Variants in IPO9 observed in about 807,000 individuals in gnomAD.
IPO9 encodes importin-9.
IPO9 carries 28 observed loss-of-function variants against 128.6 expected under a neutral mutation model. That is an observed-to-expected ratio of 0.22 (90% CI 0.16 to 0.30). The LOEUF (loss-of-function observed/expected upper bound fraction) is 0.30. Among genes scored for constraint, IPO9 ranks in the 10% least tolerant of loss-of-function variants. IPO9 has a pLI of 1.00. For synonymous variants in IPO9, 455 were observed against 475.8 expected, an observed-to-expected ratio of 0.96 and a Z score of 0.57; for missense variants, 935 against 1,293.9, an observed-to-expected ratio of 0.72 and a Z score of 4.26.
chr1:201,836,432 CT>C (rs1376616019), intron 1 of IPO9, among the ~76,000 whole-genome samples: 1 of 152,110 alleles, frequency 6.6e-6, no homozygotes, highest in African/African-American at 2.4e-5. Flanking sequence ...GTCATCCAGG[CT>C]GGAGTGCAGT....
intron 13 of IPO9, among the ~76,000 whole-genome samples, chr1:201,860,229 T>C (rs1428934193): frequency 1.3e-5 from 2 of 152,248 alleles, no homozygotes; most frequent in Non-Finnish European, 2.9e-5. Flanking sequence ...GTAGCTTATG[T>C]CATTTGAAAA....
intron 1 of IPO9, among the ~76,000 whole-genome samples, chr1:201,833,531 G>A (rs1327536243): frequency 6.6e-6 from 1 of 152,120 alleles, no homozygotes; most frequent in African/African-American, 2.4e-5. Flanking sequence ...GAGCCACTGC[G>A]CCTGGCTGGA....
At chr1:201,871,348 T>C in intron 19 of IPO9, 21 bp downstream of exon 19, 1 of 1,422,344 alleles carries the variant, frequency 7.0e-7, no homozygotes, top group Non-Finnish European at 9.6e-7. Context: ...ATCTTTCTTT[T>C]CTGGGCATTC....
chr1:201,833,676 C>G (rs1463896296), intron 1 of IPO9, among the ~76,000 whole-genome samples: 2 of 152,172 alleles, frequency 1.3e-5, no homozygotes, highest in Admixed American at 1.3e-4. Context: ...CCAGTAACCA[C>G]CTTCATCAGA....
In IPO9 at chr1:201,874,890, TTTAGCTGGC is replaced by T. The variant is rs1200618111; in HGVS notation, c.2893_2901del (p.Leu965_Gly967del). ...AGGAAGAGGAGGAGGAGGAGGATGG[TTTAGCTGGC>T]CAACTTTTATCTGACATTCTTGCTA... On this transcript the variant is annotated inframe_deletion, in exon 22 of 24. Coordinates refer to ENST00000361565, the MANE Select transcript of IPO9 (RefSeq NM_018085.5). 1 of 1,613,792 alleles carries T rather than the reference TTTAGCTGGC, an allele frequency of 6.2e-7. No homozygotes were observed. The highest frequency in any genetic ancestry group is 1.1e-5 in the South Asian group (1 of 91,076).
In IPO9 at chr1:201,871,214, G is replaced by A. The variant is rs371649212; in HGVS notation, c.2463G>A (p.Leu821=). 1.9e-6 allele frequency: 3 copies of A among 1,613,852 alleles called. No homozygotes were observed. The highest frequency in any genetic ancestry group is 2.7e-5 in the African/African-American group (2 of 74,824). Residue 821 remains leucine (L), a synonymous_variant, in exon 19 of 24, where the codon TTG becomes TTA. Transcript: ENST00000361565. ...TGCACACTCAGCTAGAACCTCTCTT[G>A]GAGTTCCTGTGTAGCCTCCCAGGAC... ...HLVHTQLEPL[L]EFLCSLPGPT...
At chr1:201,831,089 A>T (rs1033970239) in intron 1 of IPO9, among the ~76,000 whole-genome samples, 13 of 152,058 alleles carry the variant, frequency 8.5e-5, no homozygotes, top group Non-Finnish European at 2.9e-5. Context: ...TGCAGCCTCA[A>T]ACTTTTGGAC....
rs1012167387 is a variant in IPO9, at chr1:201,882,234, A to T, written c.*6180A>T. 6.6e-6 allele frequency: 1 copy of T among 152,244 alleles called. No individual in the cohort carries two copies. Among genetic ancestry groups the T allele is most frequent in the Admixed American group, 6.5e-5 (1 of 15,294 alleles). The allele number at this position is 152,244 out of a possible 1,614,324, so 9.4% of individuals were successfully genotyped here. A position where few individuals can be genotyped will look rare whatever the true frequency, so the allele number is the denominator to read the frequency against. On this transcript the variant is annotated 3_prime_UTR_variant, in exon 24 of 24. Coordinates refer to ENST00000361565, the MANE Select transcript of IPO9 (RefSeq NM_018085.5). ...ACCACGACATCAAGAGTTCAAGAGC[A>T]GCCTGGCCAGCATGGTGAAACCCCG...
chr1:201,871,801 G>A (rs1159227116), intron 19 of IPO9, among the ~76,000 whole-genome samples: 1 of 152,056 alleles, frequency 6.6e-6, no homozygotes, highest in Non-Finnish European at 1.5e-5. Context: ...GCACATATGT[G>A]AATAGCTGCC....
Position 201,878,993 on chromosome 1 carries a change from C to T in IPO9, c.*2939C>T, listed in dbSNP as rs913525198. 2.0e-5 allele frequency: 3 copies of T among 152,168 alleles called. No individual in the cohort carries two copies. The highest frequency in any genetic ancestry group is 4.4e-5 in the Non-Finnish European group (3 of 68,032). 9.4% of individuals were successfully genotyped at this position (152,168 alleles called of 1,614,324 possible). A position where few individuals can be genotyped will look rare whatever the true frequency, so the allele number is the denominator to read the frequency against. ...CTTAGCTGCTCTGAGACATTTTAGT[C>T]TCCTGACTGGTAAACAGCAGCTGGG... On this transcript the variant is annotated 3_prime_UTR_variant, in exon 24 of 24. Transcript: ENST00000361565.
intron 13 of IPO9, among the ~76,000 whole-genome samples, chr1:201,862,467 G>T (rs1680467772): frequency 4.7e-5 from 7 of 148,752 alleles, no homozygotes; most frequent in Admixed American, 4.0e-4. Flanking sequence ...CAAAAAAAAA[G>T]AGTGGTCCAA....
rs2102897238 is a variant in IPO9, at chr1:201,882,495, A to G, written c.*6441A>G. 1 of 151,926 alleles carries G rather than the reference A, an allele frequency of 6.6e-6. No homozygotes were observed. The highest frequency in any genetic ancestry group is 1.9e-4 in the East Asian group (1 of 5,168). 9.4% of individuals were successfully genotyped at this position (151,926 alleles called of 1,614,324 possible). ...AATTTAAGTTTCCCTAATGGATGGT[A>G]CAGGTCAACATTTGCCATCTAATGA... On this transcript the variant is annotated 3_prime_UTR_variant, in exon 24 of 24. Coordinates refer to ENST00000361565, the MANE Select transcript of IPO9 (RefSeq NM_018085.5).
chr1:201,874,847 T>G lies in IPO9; in HGVS notation c.2849T>G (p.Met950Arg). 2 of 1,612,102 alleles carry G rather than the reference T, an allele frequency of 1.2e-6. No homozygotes were observed. Among genetic ancestry groups the G allele is most frequent in the Non-Finnish European group, 8.5e-7 (1 of 1,178,174 alleles). Reference protein sequence around the residue: ...AEWSQDDSNDMWEDQEEEEEE... With the variant: ...AEWSQDDSNDRWEDQEEEEEE... ...CTCCAAGTAGATGACTCCAATGATA[T>G]GTGGGAGGACCAGGAGGAGGAAGAG... The change falls in exon 22 of 24, where the codon ATG becomes AGG. Residue 950 changes from methionine to arginine, a missense_variant. Around this residue, in one of 3 missense-constraint regions of IPO9, gnomAD observed 188 missense variants for 246.7 expected, o/e 0.76. Coordinates refer to ENST00000361565, the MANE Select transcript of IPO9 (RefSeq NM_018085.5).
chr1:201,871,371 TATTTC>T (rs1680649041), intron 19 of IPO9, 44 bp downstream of exon 19: 62 of 409,094 alleles, frequency 1.5e-4, no homozygotes, highest in Middle Eastern at 7.4e-4. Context: ...CCACCACTCA[TATTTC>T]TTTTTTTTTT....
chr1:201,843,946 G>A (rs1680085628), intron 1 of IPO9, among the ~76,000 whole-genome samples: 1 of 151,672 alleles, frequency 6.6e-6, no homozygotes. Flanking sequence ...TTATAATATT[G>A]TAATAAATAA....
intron 14 of IPO9, among the ~76,000 whole-genome samples, chr1:201,865,543 T>C (rs1680537276): frequency 6.6e-6 from 1 of 152,204 alleles, no homozygotes. Context: ...AGTAACCTTT[T>C]AATGATCAGC....
chr1:201,876,725 AC>A lies in IPO9; in HGVS notation c.*672del, dbSNP rs147736083. ...TACATGCACACACAAAATAAGCCAG[AC>A]AGATGGCAATTTGATCTTCCTTTTT... On this transcript the variant is annotated 3_prime_UTR_variant, in exon 24 of 24. Transcript: ENST00000361565. 9.2e-5 allele frequency: 14 copies of A among 151,648 alleles called. No individual in the cohort carries two copies. The East Asian group carries it at 1.6e-3, about 17-fold the overall frequency. The allele number at this position is 151,648 out of a possible 1,614,324, so 9.4% of individuals were successfully genotyped here.
rs560765937 is a variant in IPO9 at position 201,846,627 on chromosome 1, C to T, written c.164-652C>T. ...TGACCTTGTGATCCACCTGCCTTGG[C>T]CTCCCAAAGTGCTAGGATTATAGGC... On this transcript the variant is annotated intron_variant, in intron 1 of 23. Coordinates refer to ENST00000361565, the MANE Select transcript of IPO9 (RefSeq NM_018085.5). Among the ~76,000 whole-genome samples, 62 of 152,220 alleles carry T rather than the reference C, an allele frequency of 4.1e-4. 2 individuals are homozygous for T. Among genetic ancestry groups the T allele is most frequent in the Admixed American group, 3.0e-3 (46 of 15,272 alleles).
At chr1:201,842,950 T>C (rs1386534121) in intron 1 of IPO9, among the ~76,000 whole-genome samples, 1 of 152,234 alleles carries the variant, frequency 6.6e-6, no homozygotes, top group African/African-American at 2.4e-5. Flanking sequence ...GTTAATGTGA[T>C]ATTGGAATCC....
Sources: allele counts gnomAD v4.1 joint callset (sites outside exome capture counted in the v4.1 genomes callset), GRCh38; gene constraint gnomAD v4.1.1; regional missense constraint gnomAD v4.1.1; transcripts MANE v1.5; gene names NCBI Gene and HGNC (gene_info 2026-07-23, HGNC 2026-07-21).